The following SV2C variants were observed in gnomAD, a reference collection of about 807,000 sequenced individuals.
SV2C encodes solute carrier family 22 member B3.
Under a neutral mutation model 79.7 loss-of-function variants are expected in SV2C, and 49 were observed. The ratio of observed to expected loss-of-function variants is 0.61; its 90% CI spans 0.49 to 0.78. The LOEUF (loss-of-function observed/expected upper bound fraction) is 0.78, where lower values mean the gene tolerates loss of function less well. Ranked by LOEUF, SV2C falls within the 30% of genes least tolerant of loss-of-function variation. SV2C has a pLI of 0.00. For synonymous variants in SV2C, 334 were observed against 333.2 expected (o/e 1.00, Z -0.03); for missense variants, 833 against 912.9 (o/e 0.91, Z 1.13).
At chr5:75,902,864 A>C in the SV2C span, among the ~76,000 whole-genome samples, 1 of 152,216 alleles carries the variant, frequency 6.6e-6, no homozygotes, top group Admixed American at 6.5e-5. Flanking sequence ...ATTGGGAAGC[A>C]AGTCTATTCA....
rs761846659 is a variant in SV2C, at chr5:76,132,334, A to G, written c.580+4A>G. On this transcript the variant is annotated splice_donor_region_variant and intron_variant, in intron 2 of 12. Coordinates refer to ENST00000502798, the MANE Select transcript of SV2C (RefSeq NM_014979.4). ...AATTCAGGATCTGGATGGCTAGGTGAGTGTGTGGTGTCAGTGAGGCCAACT... is the reference window on the plus strand; with the variant it reads ...AATTCAGGATCTGGATGGCTAGGTGGGTGTGTGGTGTCAGTGAGGCCAACT... 6.2e-7 allele frequency: 1 copy of G among 1,606,700 alleles called. No homozygotes were observed. Among genetic ancestry groups the G allele is most frequent in the East Asian group, 2.2e-5 (1 of 44,748 alleles).
chr5:76,247,065 G>A (rs1191071283), intron 4 of SV2C, among the ~76,000 whole-genome samples: 1 of 152,160 alleles, frequency 6.6e-6, no homozygotes, highest in Admixed American at 6.5e-5. Flanking sequence ...TTACAGAATG[G>A]AAATTGAAGA....
the SV2C span, among the ~76,000 whole-genome samples, chr5:75,953,115 G>A: frequency 6.6e-6 from 1 of 152,020 alleles, no homozygotes; most frequent in South Asian, 2.1e-4. Context: ...ACTCATGGCA[G>A]AAGGTGAAAA....
chr5:75,986,286 A>T, the SV2C span, among the ~76,000 whole-genome samples: 1 of 151,764 alleles, frequency 6.6e-6, no homozygotes, highest in Non-Finnish European at 1.5e-5. Context: ...GGAATTACTT[A>T]GTGCAATCCC....
chr5:75,991,066 A>T, the SV2C span, among the ~76,000 whole-genome samples: 2 of 152,140 alleles, frequency 1.3e-5, no homozygotes, highest in Admixed American at 1.3e-4. Context: ...TTTGTACATA[A>T]CATCCTAGAG....
chr5:75,954,767 C>G, the SV2C span, among the ~76,000 whole-genome samples: 1 of 148,948 alleles, frequency 6.7e-6, no homozygotes, highest in Non-Finnish European at 1.5e-5. Flanking sequence ...AACAGAGAGC[C>G]AAATCATGAG....
At chr5:75,871,034 AG>A in the SV2C span, among the ~76,000 whole-genome samples, 2 of 152,244 alleles carry the variant, frequency 1.3e-5, no homozygotes, top group Non-Finnish European at 2.9e-5. Flanking sequence ...GCATAATACG[AG>A]GACAATATGC....
chr5:76,095,063 A>G (rs925557673), intron 1 of SV2C, among the ~76,000 whole-genome samples: 2 of 151,760 alleles, frequency 1.3e-5, no homozygotes, highest in African/African-American at 4.8e-5. Flanking sequence ...TTTTTTTTCT[A>G]GAGATTTTAT....
At chr5:75,906,193 G>C in the SV2C span, among the ~76,000 whole-genome samples, 1 of 152,064 alleles carries the variant, frequency 6.6e-6, no homozygotes, top group African/African-American at 2.4e-5. Flanking sequence ...AGTCTCCAGA[G>C]AAAAACAATC....
chr5:75,980,882 G>C, the SV2C span, among the ~76,000 whole-genome samples: 1 of 152,124 alleles, frequency 6.6e-6, no homozygotes, highest in Non-Finnish European at 1.5e-5. Flanking sequence ...GCAAGAGAAA[G>C]ATATAAAGAG....
At chr5:76,030,114 A>T in the SV2C span, among the ~76,000 whole-genome samples, 1 of 151,934 alleles carries the variant, frequency 6.6e-6, no homozygotes, top group Non-Finnish European at 1.5e-5. Context: ...TTATTTTTTT[A>T]AATTCCAGTA....
the SV2C span, among the ~76,000 whole-genome samples, chr5:75,892,242 A>G: frequency 1.3e-5 from 2 of 151,402 alleles, no homozygotes; most frequent in African/African-American, 4.9e-5. Flanking sequence ...TCACTACCCT[A>G]TTTTTTTAAT....
chr5:76,099,900 T>C (rs7702044), intron 1 of SV2C, among the ~76,000 whole-genome samples: 30,738 of 152,154 alleles, frequency 0.2, 3,425 homozygotes, highest in East Asian at 0.45. Flanking sequence ...TTCTCATGTC[T>C]CAGAAGTGGT....
the SV2C span, among the ~76,000 whole-genome samples, chr5:75,890,580 C>T: frequency 5.9e-5 from 9 of 152,076 alleles, no homozygotes. Flanking sequence ...CAGATAGATG[C>T]CACCAGGTCT....
chr5:75,986,389 G>GGTCT, the SV2C span, among the ~76,000 whole-genome samples: 1 of 151,694 alleles, frequency 6.6e-6, no homozygotes, highest in Non-Finnish European at 1.5e-5. Context: ...GAAGAGAAAG[G>GGTCT]GTCTACAAGC....
chr5:76,241,515 G>A (rs1745785318), intron 4 of SV2C, among the ~76,000 whole-genome samples: 1 of 152,182 alleles, frequency 6.6e-6, no homozygotes, highest in South Asian at 2.1e-4. Context: ...CCATAATCTA[G>A]AAACAGAACC....
chr5:76,300,861 C>T lies in SV2C; in HGVS notation c.1769C>T (p.Thr590Ile). Residue 590 changes from threonine (T) to isoleucine (I), a missense_variant, in exon 11 of 13, where the codon ACA becomes ATA. Physicochemically the swap from Thr to Ile is moderately conservative, Grantham distance 89 (BLOSUM62 -1). Transcript: ENST00000502798. ...ATTTATTTTGTCAACTTTCTGGGGA[C>T]ATTGGCAGTATTGCCAGGGAACATT... is the stretch of plus-strand genomic sequence containing the variant. ...YWIYFVNFLG[T>I]LAVLPGNIVS... 6.2e-7 allele frequency: 1 copy of T among 1,614,128 alleles called. No homozygotes were observed. Among genetic ancestry groups the T allele is most frequent in the Non-Finnish European group, 8.5e-7 (1 of 1,179,990 alleles).
intron 10 of SV2C, 89 bp from the exon 11 acceptor site, chr5:76,300,640 G>A: frequency 7.3e-7 from 1 of 1,378,168 alleles, no homozygotes; most frequent in Non-Finnish European, 1.0e-6. Context: ...TACAATACTG[G>A]TTTCCTCTCC....
the SV2C span, among the ~76,000 whole-genome samples, chr5:76,065,610 G>A: frequency 6.6e-6 from 1 of 152,076 alleles, no homozygotes; most frequent in South Asian, 2.1e-4. Context: ...CTTCCTTCCT[G>A]TGTTTCTATT....
Sources: allele counts gnomAD v4.1 joint callset (sites outside exome capture counted in the v4.1 genomes callset), GRCh38; gene constraint gnomAD v4.1.1; transcripts MANE v1.5; gene names NCBI Gene and HGNC (gene_info 2026-07-23, HGNC 2026-07-21).